Variants in ERBB4 observed in about 807,000 individuals in gnomAD.
ERBB4 encodes erb-b2 receptor tyrosine kinase 4.
ERBB4 carries 42 observed loss-of-function variants against 158.0 expected under a neutral mutation model. That is an observed-to-expected ratio of 0.27 (90% CI 0.21 to 0.34). The LOEUF (loss-of-function observed/expected upper bound fraction) is 0.34. Among genes scored for constraint, ERBB4 ranks in the 10% least tolerant of loss-of-function variants. The pLI is 1.00. For missense variants in ERBB4, 1,333 were observed against 1,624.1 expected (o/e 0.82, Z 3.08); for synonymous variants, 583 against 558.7 (o/e 1.04, Z -0.61).
chr2:211,387,063 C>A lies in ERBB4; in HGVS notation c.3271G>T (p.Ala1091Ser), dbSNP rs1347967434. The A allele has an allele frequency of 6.2e-7, 1 of 1,613,886 alleles. No individual in the cohort carries two copies. The highest frequency in any genetic ancestry group is 8.5e-7 in the Non-Finnish European group (1 of 1,179,938). Reference protein sequence around the residue: ...YRAPTSTIPEAPVAQGATAEI... With the variant: ...YRAPTSTIPESPVAQGATAEI... ...GCAGTAGCACCCTGTGCCACAGGAG[C>A]TTCTGGAATTGTGCTAGTTGGGGCT... Residue 1091 changes from alanine to serine, a missense_variant, in exon 27 of 28, where the codon GCT becomes TCT. Transcript: ENST00000342788.
At chr2:211,538,003 T>C (rs1403197431) in intron 20 of ERBB4, among the ~76,000 whole-genome samples, 2 of 151,896 alleles carry the variant, frequency 1.3e-5, no homozygotes, top group African/African-American at 4.8e-5. Flanking sequence ...ATGACAATAA[T>C]TTGAGGCCAA....
intron 3 of ERBB4, among the ~76,000 whole-genome samples, chr2:211,883,890 A>G (rs1405795276): frequency 6.6e-6 from 1 of 152,222 alleles, no homozygotes; most frequent in African/African-American, 2.4e-5. Context: ...GAAAAACTCA[A>G]TGGTGATAAT....
At chr2:211,981,771 T>C (rs1202231455) in intron 2 of ERBB4, among the ~76,000 whole-genome samples, 1 of 152,294 alleles carries the variant, frequency 6.6e-6, no homozygotes, top group Non-Finnish European at 1.5e-5. Context: ...ACTACAGAAC[T>C]CATAAATATT....
chr2:212,445,626 CA>C (rs2092333908), intron 1 of ERBB4, among the ~76,000 whole-genome samples: 1 of 152,158 alleles, frequency 6.6e-6, no homozygotes, highest in South Asian at 2.1e-4. Flanking sequence ...GCATGGAATA[CA>C]GGAGATCCAT....
chr2:211,825,619 G>A (rs752245605), intron 3 of ERBB4, among the ~76,000 whole-genome samples: 1 of 151,456 alleles, frequency 6.6e-6, no homozygotes, highest in East Asian at 1.9e-4. Flanking sequence ...TGCTTTGAAG[G>A]ACAGAGAGAT....
At chr2:211,695,048 GT>G (rs1235654523) in intron 12 of ERBB4, among the ~76,000 whole-genome samples, 1 of 152,104 alleles carries the variant, frequency 6.6e-6, no homozygotes, top group Non-Finnish European at 1.5e-5. Flanking sequence ...TTCTTATGAT[GT>G]TATAGTAAGT....
chr2:212,135,392 C>T (rs2080241425), intron 1 of ERBB4, among the ~76,000 whole-genome samples: 1 of 151,990 alleles, frequency 6.6e-6, no homozygotes, highest in Non-Finnish European at 1.5e-5. Flanking sequence ...AATTTTTGTA[C>T]TTTGTATTTC....
At chr2:212,484,156 T>C (rs1305278795) in intron 1 of ERBB4, among the ~76,000 whole-genome samples, 2 of 152,246 alleles carry the variant, frequency 1.3e-5, no homozygotes, top group Non-Finnish European at 2.9e-5. Flanking sequence ...AAACTCAGTG[T>C]TCTAAATCCC....
intron 2 of ERBB4, among the ~76,000 whole-genome samples, chr2:212,040,418 T>C (rs537410098): frequency 6.6e-6 from 1 of 152,040 alleles, no homozygotes; most frequent in Non-Finnish European, 1.5e-5. Context: ...ATATGAACAA[T>C]AAGAACAGAA....
At chr2:211,602,968 C>A (rs1307692659) in intron 19 of ERBB4, among the ~76,000 whole-genome samples, 1 of 152,114 alleles carries the variant, frequency 6.6e-6, no homozygotes, top group East Asian at 1.9e-4. Context: ...GTGGCTCACG[C>A]CTGTAATTCC....
chr2:212,007,536 T>G (rs2076287099), intron 2 of ERBB4, among the ~76,000 whole-genome samples: 1 of 151,882 alleles, frequency 6.6e-6, no homozygotes. Context: ...ACTCAGCAAC[T>G]TTTTAAAAAT....
intron 1 of ERBB4, among the ~76,000 whole-genome samples, chr2:212,280,621 T>C (rs2085721240): frequency 6.6e-6 from 1 of 151,706 alleles, no homozygotes; most frequent in South Asian, 2.1e-4. Flanking sequence ...CTGTTGTTGT[T>C]GTTTTCCTGA....
At chr2:212,159,802 C>T (rs997210319) in intron 1 of ERBB4, among the ~76,000 whole-genome samples, 4 of 151,950 alleles carry the variant, frequency 2.6e-5, no homozygotes, top group Admixed American at 1.3e-4. Context: ...TGAAATGCTA[C>T]GTACATCCAT....
At chr2:212,399,910 C>G (rs574428465) in intron 1 of ERBB4, among the ~76,000 whole-genome samples, 2 of 151,614 alleles carry the variant, frequency 1.3e-5, no homozygotes, top group African/African-American at 4.8e-5. Context: ...AAACAAAAAA[C>G]GAGCACAGTA....
At chr2:211,805,580 C>A (rs2105900937) in intron 3 of ERBB4, among the ~76,000 whole-genome samples, 1 of 152,340 alleles carries the variant, frequency 6.6e-6, no homozygotes, top group Non-Finnish European at 1.5e-5. Context: ...ACCATGTCAT[C>A]TCTTGCCAGA....
intron 7 of ERBB4, among the ~76,000 whole-genome samples, chr2:211,716,429 C>A (rs1233343595): frequency 1.4e-5 from 2 of 145,186 alleles, no homozygotes; most frequent in East Asian, 2.1e-4. Flanking sequence ...GTAATCCCAG[C>A]ACTTTGGGAG....
intron 20 of ERBB4, among the ~76,000 whole-genome samples, chr2:211,555,054 A>T (rs2067200434): frequency 1.3e-5 from 2 of 152,242 alleles, no homozygotes; most frequent in Non-Finnish European, 2.9e-5. Flanking sequence ...AAGAAGGCAT[A>T]TGGTATTATA....
intron 2 of ERBB4, among the ~76,000 whole-genome samples, chr2:211,962,682 G>A (rs759909866): frequency 1.3e-5 from 2 of 152,128 alleles, no homozygotes; most frequent in South Asian, 2.1e-4. Flanking sequence ...CAAGAGATGC[G>A]GAAGGCAGTG....
intron 3 of ERBB4, among the ~76,000 whole-genome samples, chr2:211,862,151 G>A (rs1471198716): frequency 6.6e-6 from 1 of 152,128 alleles, no homozygotes; most frequent in African/African-American, 2.4e-5. Flanking sequence ...CTGATTGCAT[G>A]ACATGTAGAA....
Sources: allele counts gnomAD v4.1 joint callset (sites outside exome capture counted in the v4.1 genomes callset), GRCh38; gene constraint gnomAD v4.1.1; transcripts MANE v1.5; gene names NCBI Gene and HGNC (gene_info 2026-07-23, HGNC 2026-07-21).